Variants in NTM observed in about 807,000 individuals in gnomAD.
NTM encodes the protein IgLON family member 2.
Under a neutral mutation model 42.1 loss-of-function variants are expected in NTM, and 13 were observed. The ratio of observed to expected loss-of-function variants is 0.31; its 90% CI spans 0.20 to 0.49. NTM has a LOEUF of 0.49. Among genes scored for constraint, NTM ranks in the 20% least tolerant of loss-of-function variants. The pLI is 0.99. For missense variants in NTM, 373 were observed against 452.8 expected (o/e 0.82, Z 1.60); for synonymous variants, 187 against 179.2 (o/e 1.04, Z -0.35).
intron 1 of NTM, among the ~76,000 whole-genome samples, chr11:131,475,611 T>G (rs1039880574): frequency 6.6e-6 from 1 of 152,170 alleles, no homozygotes; most frequent in Non-Finnish European, 1.5e-5. Context: ...AGGATTCAAG[T>G]TAATATTTAG....
chr11:131,385,689 CA>C (rs1388051117), intron 1 of NTM, among the ~76,000 whole-genome samples: 3 of 152,036 alleles, frequency 2.0e-5, no homozygotes, highest in African/African-American at 4.8e-5. Context: ...CTCATCTCTA[CA>C]AAAAAATTTT....
intron 1 of NTM, among the ~76,000 whole-genome samples, chr11:131,739,675 T>A (rs1417939710): frequency 6.6e-6 from 1 of 152,124 alleles, no homozygotes; most frequent in East Asian, 1.9e-4. Flanking sequence ...AGTGGATGAA[T>A]GGGAAGGTAT....
intron 3 of NTM, among the ~76,000 whole-genome samples, chr11:132,201,172 C>T (rs1004413348): frequency 1.3e-5 from 2 of 152,132 alleles, no homozygotes; most frequent in South Asian, 4.1e-4. Context: ...GAGTGTCCCT[C>T]TAATTGAGGC....
chr11:132,035,022 C>T (rs2076345586), intron 2 of NTM, among the ~76,000 whole-genome samples: 1 of 152,140 alleles, frequency 6.6e-6, no homozygotes, highest in African/African-American at 2.4e-5. Context: ...TGTTTTTCTT[C>T]CCATGGTTTT....
Position 132,335,510 on chromosome 11 carries a change from T to C in NTM, c.*364T>C, listed in dbSNP as rs1290463458. 7.1e-5 allele frequency: 17 copies of C among 239,238 alleles called. No individual in the cohort carries two copies. The East Asian group carries it at 2.2e-3, about 31-fold the overall frequency. The allele number at this position is 239,238 out of a possible 1,614,324, so 14.8% of individuals were successfully genotyped here. ...CACAGAGTGCCCCCACGTGGAACAT[T>C]CTGGAGCTGGCCATCCCAAATTCAA... On this transcript the variant is annotated 3_prime_UTR_variant, in exon 9 of 9. Transcript: ENST00000683400.
chr11:132,226,581 A>G (rs2086344004), intron 4 of NTM, among the ~76,000 whole-genome samples: 1 of 152,068 alleles, frequency 6.6e-6, no homozygotes, highest in South Asian at 2.1e-4. Context: ...AATTGGTTTA[A>G]GTTCTTTGTA....
chr11:131,533,425 GGA>G (rs2051611387), intron 1 of NTM, among the ~76,000 whole-genome samples: 1 of 152,202 alleles, frequency 6.6e-6, no homozygotes, highest in East Asian at 1.9e-4. Context: ...CACCAGCCCA[GGA>G]GAGAATGGGG....
chr11:131,870,740 G>T (rs2047695105), intron 1 of NTM, among the ~76,000 whole-genome samples: 1 of 152,082 alleles, frequency 6.6e-6, no homozygotes, highest in African/African-American at 2.4e-5. Flanking sequence ...AACCCTTTTA[G>T]CACAGGACAC....
At chr11:131,857,651 G>T (rs569381390) in intron 1 of NTM, among the ~76,000 whole-genome samples, 1 of 152,336 alleles carries the variant, frequency 6.6e-6, no homozygotes, top group East Asian at 1.9e-4. Flanking sequence ...TTGAAAGCTA[G>T]TCAGGATTTC....
chr11:132,315,208 T>C (rs2095396339), intron 7 of NTM: 1 of 516,936 alleles, frequency 1.9e-6, no homozygotes, highest in Admixed American at 6.4e-5. Context: ...TGTAAAATTT[T>C]CCTTTTTCCA....
At chr11:131,579,281 A>T (rs188938009) in intron 1 of NTM, among the ~76,000 whole-genome samples, 203 of 152,090 alleles carry the variant, frequency 1.3e-3, no homozygotes, top group Non-Finnish European at 2.5e-3. Flanking sequence ...GAGAGAAAAC[A>T]AAACAAAGCA....
chr11:131,480,352 G>A (rs1014348450), intron 1 of NTM, among the ~76,000 whole-genome samples: 2 of 152,042 alleles, frequency 1.3e-5, no homozygotes, highest in African/African-American at 4.8e-5. Context: ...TTGGATAGCA[G>A]GATACTACCT....
chr11:132,069,650 A>G lies in NTM; in HGVS notation c.168-76632A>G, dbSNP rs534560826. ...TCACAGGTTAGTTAACAGGTCACCCAGCCAAGTTAACACGTCACACTGACC... is the reference window on the plus strand; with the variant it reads ...TCACAGGTTAGTTAACAGGTCACCCGGCCAAGTTAACACGTCACACTGACC... On this transcript the variant is annotated intron_variant, in intron 2 of 8. Transcript: ENST00000683400. Among the ~76,000 whole-genome samples the G allele has an allele frequency of 2.6e-3, 398 of 151,046 alleles. 15 individuals are homozygous for G. The highest frequency in any genetic ancestry group is 9.2e-3 in the African/African-American group (375 of 40,770).
chr11:131,891,345 T>G (rs1443333578), intron 1 of NTM, among the ~76,000 whole-genome samples: 1 of 152,014 alleles, frequency 6.6e-6, no homozygotes, highest in Non-Finnish European at 1.5e-5. Flanking sequence ...GGGTGAATAG[T>G]GTTGATTGAC....
intron 4 of NTM, among the ~76,000 whole-genome samples, chr11:132,260,297 T>G (rs1282751729): frequency 6.6e-6 from 1 of 151,614 alleles, no homozygotes; most frequent in Non-Finnish European, 1.5e-5. Flanking sequence ...TTCAGAGAAA[T>G]TAAGTGAATT....
chr11:132,091,537 G>T (rs1490855948), intron 2 of NTM, among the ~76,000 whole-genome samples: 4 of 152,036 alleles, frequency 2.6e-5, no homozygotes, highest in Non-Finnish European at 5.9e-5. Context: ...CTGGAGTGCA[G>T]TGTGGTGATC....
intron 2 of NTM, among the ~76,000 whole-genome samples, chr11:132,017,677 A>G (rs2073652553): frequency 6.6e-6 from 1 of 151,994 alleles, no homozygotes. Context: ...CAGACTGTCA[A>G]TTTGTATCAG....
chr11:131,538,060 C>T (rs1235614615), intron 1 of NTM: 1 of 152,258 alleles, frequency 6.6e-6, no homozygotes, highest in Non-Finnish European at 1.5e-5. Flanking sequence ...AGAACACTCA[C>T]TATTTTCTCT....
intron 4 of NTM, among the ~76,000 whole-genome samples, chr11:132,292,145 AAG>A (rs1295274003): frequency 6.6e-6 from 1 of 152,214 alleles, no homozygotes; most frequent in African/African-American, 2.4e-5. Flanking sequence ...AAAAGTGAGA[AAG>A]AAACAAATGC....
Sources: allele counts gnomAD v4.1 joint callset (sites outside exome capture counted in the v4.1 genomes callset), GRCh38; gene constraint gnomAD v4.1.1; transcripts MANE v1.5; gene names NCBI Gene and HGNC (gene_info 2026-07-23, HGNC 2026-07-21).